Variants in CACNA1C observed in about 807,000 individuals in gnomAD.
The protein encoded by CACNA1C is voltage-dependent L-type calcium channel subunit alpha-1C.
CACNA1C carries 30 observed loss-of-function variants against 229.0 expected under a neutral mutation model. The observed-to-expected ratio is 0.13, with a 90% CI of 0.10 to 0.18. The LOEUF (loss-of-function observed/expected upper bound fraction) is 0.18, where lower values mean the gene tolerates loss of function less well. CACNA1C is among the 10% of genes least tolerant of loss of function. The pLI is 1.00. For synonymous variants in CACNA1C, 1,114 were observed against 1,132.5 expected, an observed-to-expected ratio of 0.98 and a Z score of 0.33; for missense variants, 1,658 against 2,845.0, an observed-to-expected ratio of 0.58 and a Z score of 9.49.
chr12:2,025,454 T>C (rs1013649404), intron 1 of CACNA1C, among the ~76,000 whole-genome samples: 1 of 152,168 alleles, frequency 6.6e-6, no homozygotes, highest in African/African-American at 2.4e-5. Flanking sequence ...CTCTGCACTC[T>C]CTGCAGAGTT....
intron 30 of CACNA1C, chr12:2,641,687 C>A (rs961287015): frequency 2.8e-6 from 2 of 702,076 alleles, no homozygotes; most frequent in African/African-American, 3.5e-5. Context: ...GTGAGCTGCC[C>A]TTCTAATAGA....
Position 2,633,484 on chromosome 12 carries a change from G to A in CACNA1C, c.3829-813G>A. ...CTGCTCCTTCCTTGCTGGTGCTCCT[G>A]GGCTCCTGGCCATGGTGAGGGCGTC... is the stretch of plus-strand genomic sequence containing the variant. On this transcript the variant is annotated intron_variant, in intron 29 of 46. Coordinates refer to ENST00000399655, the MANE Select transcript of CACNA1C (RefSeq NM_000719.7). This position sits in a 1 kb window ranked among gnomAD's most constrained non-coding sequence, Gnocchi z 5.8. 1.5e-6 allele frequency: 1 copy of A among 666,680 alleles called. No homozygotes were observed. The highest frequency in any genetic ancestry group is 2.7e-5 in the Admixed American group (1 of 37,218). The allele number at this position is 666,680 out of a possible 1,614,324, so 41.3% of individuals were successfully genotyped here.
intron 3 of CACNA1C, among the ~76,000 whole-genome samples, chr12:2,166,189 T>A (rs576411168): frequency 6.6e-6 from 1 of 152,220 alleles, no homozygotes. Flanking sequence ...GCTGCTGGGA[T>A]GATGGGCTTC....
chr12:1,983,636 C>A (rs955334845), intron 1 of CACNA1C, among the ~76,000 whole-genome samples: 2 of 151,872 alleles, frequency 1.3e-5, no homozygotes, highest in African/African-American at 4.8e-5. Flanking sequence ...TGCTTTATGA[C>A]CTACGATAAG....
Position 2,151,362 on chromosome 12 carries a change from G to GAA in CACNA1C, c.477+30946_477+30947dup, listed in dbSNP as rs537213554. On this transcript the variant is annotated intron_variant, in intron 3 of 46. Coordinates refer to ENST00000399655, the MANE Select transcript of CACNA1C (RefSeq NM_000719.7). The stretch of plus-strand genomic sequence containing the variant: ...TACCACTGGCTGACCAGTGGTAGCT[G>GAA]AAAAAAAAAAAAAAAGGGATTTGAG... Among the ~76,000 whole-genome samples, 466 of 127,296 alleles carry GAA rather than the reference G, an allele frequency of 3.7e-3. 6 individuals are homozygous for GAA. Among genetic ancestry groups the GAA allele is most frequent in the African/African-American group, 0.011 (419 of 36,490 alleles). The allele number at this position is 127,296 out of a possible 152,430, so 83.5% of individuals were successfully genotyped here.
At chr12:2,097,198 T>A (rs949391446) in intron 1 of CACNA1C, among the ~76,000 whole-genome samples, 1 of 152,154 alleles carries the variant, frequency 6.6e-6, no homozygotes, top group Admixed American at 6.5e-5. Flanking sequence ...CAGGCTGGAG[T>A]GCAGTGGCGC....
At chr12:2,631,540 A>T (rs2090401388) in intron 29 of CACNA1C, among the ~76,000 whole-genome samples, 1 of 152,178 alleles carries the variant, frequency 6.6e-6, no homozygotes, top group African/African-American at 2.4e-5. Flanking sequence ...CCCCAAAATC[A>T]CTATTCTCCT....
chr12:2,666,676 C>T lies in CACNA1C; in HGVS notation c.4527-10C>T. On this transcript the variant is annotated splice_polypyrimidine_tract_variant and intron_variant, in intron 36 of 46. Coordinates refer to ENST00000399655, the MANE Select transcript of CACNA1C (RefSeq NM_000719.7). The surrounding 1 kb of genome is among the most constrained non-coding windows in gnomAD (Gnocchi z 5.3). ...CTGATGCCCTGTCCCTCCTCTCCCTCCTCTTCTAGGGGTCGTATCAAACAC... is the reference window on the plus strand; with the variant it reads ...CTGATGCCCTGTCCCTCCTCTCCCTTCTCTTCTAGGGGTCGTATCAAACAC... 6.4e-7 allele frequency: 1 copy of T among 1,565,250 alleles called. No individual in the cohort carries two copies. The highest frequency in any genetic ancestry group is 8.7e-7 in the Non-Finnish European group (1 of 1,149,034).
chr12:2,687,688 C>T (rs2097578020), intron 45 of CACNA1C, among the ~76,000 whole-genome samples: 1 of 152,156 alleles, frequency 6.6e-6, no homozygotes, highest in Non-Finnish European at 1.5e-5. Flanking sequence ...TACAGGCATG[C>T]ACCACCATGC....
intron 5 of CACNA1C, among the ~76,000 whole-genome samples, chr12:2,466,523 G>A (rs1426445349): frequency 6.6e-6 from 1 of 152,226 alleles, no homozygotes; most frequent in African/African-American, 2.4e-5. Flanking sequence ...CAGAGTCAGG[G>A]AAGAGGCTCA....
intron 13 of CACNA1C, among the ~76,000 whole-genome samples, 170 bp from the exon 14 acceptor site, chr12:2,581,420 C>G (rs557072833): frequency 2.0e-5 from 3 of 152,310 alleles, no homozygotes; most frequent in Non-Finnish European, 4.4e-5. Context: ...AATTAACTCC[C>G]TCCAGGGTGG....
intron 1 of CACNA1C, among the ~76,000 whole-genome samples, chr12:2,009,735 G>T (rs1410531570): frequency 1.3e-5 from 2 of 152,152 alleles, no homozygotes; most frequent in Non-Finnish European, 2.9e-5. Context: ...GAAGCAGTGT[G>T]TTATCAGTTG....
chr12:2,595,548 A>AAGTG lies in CACNA1C; in HGVS notation c.2664-324_2664-321dup, dbSNP rs2067739333. The stretch of plus-strand genomic sequence containing the variant: ...GCATAAGCATAGAGTTGATCTCATA[A>AAGTG]AGTGATTTCTTTTCAATGATAGGGA... On this transcript the variant is annotated intron_variant, in intron 19 of 46. Coordinates refer to ENST00000399655, the MANE Select transcript of CACNA1C (RefSeq NM_000719.7). This position sits in a 1 kb window ranked among gnomAD's most constrained non-coding sequence, Gnocchi z 4.1. Among the ~76,000 whole-genome samples the AAGTG allele has an allele frequency of 6.6e-6, 1 of 152,134 alleles. No individual in the cohort carries two copies. Among genetic ancestry groups the AAGTG allele is most frequent in the South Asian group, 2.1e-4 (1 of 4,820 alleles).
At chr12:2,582,740 C>G in intron 14 of CACNA1C, 82 bp from the exon 15 acceptor site, 1 of 1,485,226 alleles carries the variant, frequency 6.7e-7, no homozygotes, top group Admixed American at 1.9e-5. Context: ...ATTTTGTTGA[C>G]GTAGTGGGGC....
At chr12:2,369,800 CTATT>C (rs2097810790) in intron 3 of CACNA1C, among the ~76,000 whole-genome samples, 1 of 152,114 alleles carries the variant, frequency 6.6e-6, no homozygotes. Context: ...GGGAAAAAGA[CTATT>C]TAACTGCCTC....
intron 38 of CACNA1C, among the ~76,000 whole-genome samples, chr12:2,673,306 A>AAAAT (rs1189438914): frequency 2.6e-5 from 4 of 152,084 alleles, no homozygotes; most frequent in Non-Finnish European, 5.9e-5. Flanking sequence ...ATCTCTACTA[A>AAAAT]AAATATAAAA....
At chr12:2,414,552 G>C (rs1435616126) in intron 3 of CACNA1C, among the ~76,000 whole-genome samples, 1 of 152,126 alleles carries the variant, frequency 6.6e-6, no homozygotes, top group Non-Finnish European at 1.5e-5. Flanking sequence ...CCACCTACCA[G>C]TGTCAAAGGA....
intron 3 of CACNA1C, among the ~76,000 whole-genome samples, chr12:2,191,380 C>T (rs763897267): frequency 2.0e-5 from 3 of 152,136 alleles, no homozygotes; most frequent in East Asian, 1.9e-4. Flanking sequence ...TCCAGCGTAC[C>T]GGCATCACCT....
chr12:2,237,150 G>A lies in CACNA1C; in HGVS notation c.477+116720G>A, dbSNP rs562386133. 5.9e-5 allele frequency among the ~76,000 whole-genome samples: 9 copies of A among 152,334 alleles called. No homozygotes were observed. In the South Asian group the frequency reaches 1.7e-3, roughly 28 times the overall value. On this transcript the variant is annotated intron_variant, in intron 3 of 46. Transcript: ENST00000399655. ...GGAAGACCAGACCTTATCACATGGT[G>A]CCCTTGGGGGGAAATCTTAATTCCA...
Sources: allele counts gnomAD v4.1 joint callset (sites outside exome capture counted in the v4.1 genomes callset), GRCh38; gene constraint gnomAD v4.1.1; non-coding constraint Gnocchi (gnomAD v3.1); transcripts MANE v1.5; gene names NCBI Gene and HGNC (gene_info 2026-07-23, HGNC 2026-07-21).